Variants in PRKG1 observed in about 807,000 individuals in gnomAD.
PRKG1 encodes the protein protein kinase cGMP-dependent 1, also known as cGMP-dependent protein kinase 1.
In PRKG1, 35 loss-of-function variants were observed where a neutral mutation model predicts 88.1. That is an observed-to-expected ratio of 0.40 (90% CI 0.30 to 0.53). The LOEUF (loss-of-function observed/expected upper bound fraction) is 0.53, where lower values mean the gene tolerates loss of function less well. Among genes scored for constraint, PRKG1 ranks in the 20% least tolerant of loss-of-function variants. PRKG1 has a pLI of 0.59. For missense variants in PRKG1, 540 were observed against 839.8 expected (o/e 0.64, Z 4.41); for synonymous variants, 303 against 292.5 (o/e 1.04, Z -0.37).
intron 3 of PRKG1, among the ~76,000 whole-genome samples, chr10:51,751,544 T>C (rs748729098): frequency 6.6e-5 from 10 of 152,162 alleles, no homozygotes; most frequent in Non-Finnish European, 1.2e-4. Context: ...AACTGAACTT[T>C]GGATAAGCAA....
At chr10:51,747,953 T>C (rs11597193) in intron 3 of PRKG1, among the ~76,000 whole-genome samples, 52,834 of 152,008 alleles carry the variant, frequency 0.35, 10,214 homozygotes, top group Middle Eastern at 0.53. Context: ...ATTGTACAGA[T>C]TATAAACTTG....
intron 5 of PRKG1, among the ~76,000 whole-genome samples, chr10:52,044,083 G>A (rs959719056): frequency 2.0e-5 from 3 of 152,050 alleles, no homozygotes; most frequent in African/African-American, 7.2e-5. Context: ...AAAAGATAAT[G>A]ATGTGCTCTA....
chr10:51,453,661 G>C (rs1461605374), intron 2 of PRKG1, among the ~76,000 whole-genome samples: 1 of 151,880 alleles, frequency 6.6e-6, no homozygotes, highest in Admixed American at 6.6e-5. Flanking sequence ...TTCCACTGTG[G>C]TCTGAGAGGA....
At chr10:51,438,848 T>C (rs552235487) in intron 2 of PRKG1, among the ~76,000 whole-genome samples, 6 of 152,024 alleles carry the variant, frequency 3.9e-5, no homozygotes, top group African/African-American at 7.2e-5. Context: ...GTATTATACA[T>C]GTGGAGCTGC....
chr10:52,064,307 C>T (rs1180951197), intron 7 of PRKG1, among the ~76,000 whole-genome samples: 3 of 152,200 alleles, frequency 2.0e-5, no homozygotes, highest in Non-Finnish European at 4.4e-5. Context: ...CACACCTGGC[C>T]GGACTGTGAC....
chr10:51,029,850 C>T (rs1188640276), intron 1 of PRKG1, among the ~76,000 whole-genome samples: 1 of 152,062 alleles, frequency 6.6e-6, no homozygotes, highest in Non-Finnish European at 1.5e-5. Context: ...CCAGGGCTCC[C>T]CTATTTGCTG....
At chr10:51,208,051 A>G (rs1838108507) in intron 2 of PRKG1, among the ~76,000 whole-genome samples, 1 of 152,204 alleles carries the variant, frequency 6.6e-6, no homozygotes, top group African/African-American at 2.4e-5. Flanking sequence ...TTCCATTAAA[A>G]CAAAACATGC....
chr10:51,588,009 A>T (rs1033710285), intron 3 of PRKG1, among the ~76,000 whole-genome samples: 3 of 152,198 alleles, frequency 2.0e-5, no homozygotes, highest in African/African-American at 7.2e-5. Context: ...TCCCCAAGGT[A>T]ACCAATCATT....
chr10:51,089,791 G>T (rs1844354051), intron 1 of PRKG1, among the ~76,000 whole-genome samples: 2 of 152,272 alleles, frequency 1.3e-5, no homozygotes, highest in South Asian at 4.1e-4. Context: ...GTACAGATGA[G>T]AAAATTAATT....
chr10:51,167,347 G>T (rs1424671914), intron 2 of PRKG1, among the ~76,000 whole-genome samples: 1 of 152,096 alleles, frequency 6.6e-6, no homozygotes, highest in Non-Finnish European at 1.5e-5. Flanking sequence ...GTAAGGTACG[G>T]AAAAGTTTGA....
intron 4 of PRKG1, among the ~76,000 whole-genome samples, chr10:51,805,070 A>G (rs944943090): frequency 4.6e-5 from 7 of 152,120 alleles, no homozygotes; most frequent in African/African-American, 1.2e-4. Flanking sequence ...TGGTTAATAT[A>G]TTTATGACAC....
intron 5 of PRKG1, among the ~76,000 whole-genome samples, chr10:51,953,043 T>A (rs1428473252): frequency 1.3e-5 from 2 of 152,224 alleles, no homozygotes; most frequent in Non-Finnish European, 2.9e-5. Flanking sequence ...GCATACATTT[T>A]GTAAATTTCT....
At chr10:51,736,518 A>G (rs1390987597) in intron 3 of PRKG1, among the ~76,000 whole-genome samples, 1 of 152,194 alleles carries the variant, frequency 6.6e-6, no homozygotes, top group Non-Finnish European at 1.5e-5. Context: ...TCATATACAC[A>G]CAATTTAGAT....
intron 7 of PRKG1, among the ~76,000 whole-genome samples, chr10:52,103,110 A>C (rs1163697424): frequency 1.3e-5 from 2 of 152,150 alleles, no homozygotes; most frequent in African/African-American, 4.8e-5. Flanking sequence ...CCTTATGAGA[A>C]TCTAATGCCT....
intron 3 of PRKG1, among the ~76,000 whole-genome samples, chr10:51,484,179 T>C (rs757914223): frequency 4.6e-5 from 7 of 152,140 alleles, no homozygotes; most frequent in African/African-American, 1.2e-4. Context: ...TTCACTAATA[T>C]GGTTTCAACC....
chr10:52,217,373 T>A (rs191996420), intron 9 of PRKG1, among the ~76,000 whole-genome samples: 1 of 149,636 alleles, frequency 6.7e-6, no homozygotes, highest in African/African-American at 2.5e-5. Context: ...TATACACATA[T>A]ACACACACAC....
At chr10:51,302,077 C>T (rs1422151268) in intron 2 of PRKG1, among the ~76,000 whole-genome samples, 2 of 152,174 alleles carry the variant, frequency 1.3e-5, no homozygotes, top group African/African-American at 4.8e-5. Flanking sequence ...TAGCTATGTC[C>T]TTGTTCCATT....
intron 8 of PRKG1, among the ~76,000 whole-genome samples, chr10:52,143,651 G>T (rs1246511374): frequency 6.6e-6 from 1 of 152,130 alleles, no homozygotes; most frequent in African/African-American, 2.4e-5. Flanking sequence ...GCTGCTGGCT[G>T]CCATGTACTG....
chr10:51,022,029 G>A (rs758599276), intron 1 of PRKG1, among the ~76,000 whole-genome samples: 1 of 152,190 alleles, frequency 6.6e-6, no homozygotes, highest in African/African-American at 2.4e-5. Flanking sequence ...AAACTCAAAT[G>A]TGCAAGCAAC....
Sources: gnomAD v4.1 joint callset for allele counts (sites outside exome capture counted in the v4.1 genomes callset) on GRCh38, gnomAD v4.1.1 for gene constraint, MANE v1.5 for transcripts, NCBI Gene and HGNC (gene_info 2026-07-23, HGNC 2026-07-21) for gene names.